Variants in RHBDF1 observed in about 807,000 individuals in gnomAD.
RHBDF1 encodes the protein inactive rhomboid protein 1.
In RHBDF1, 80 loss-of-function variants were observed where a neutral mutation model predicts 98.6. That is an observed-to-expected ratio of 0.81 (90% CI 0.68 to 0.98). The LOEUF is 0.98. RHBDF1 is among the 50% of genes least tolerant of loss of function. RHBDF1 has a pLI of 0.00. For synonymous variants in RHBDF1, 512 were observed against 486.8 expected, an observed-to-expected ratio of 1.05 and a Z score of -0.68; for missense variants, 1,116 against 1,198.3, an observed-to-expected ratio of 0.93 and a Z score of 1.01.
At chr16:75,826 G>A (rs1003761125), upstream of RHBDF1, among the ~76,000 whole-genome samples, 3 of 152,192 alleles carry the variant, frequency 2.0e-5, no homozygotes, top group African/African-American at 7.2e-5. Flanking sequence ...AAGCTGTGTA[G>A]AGGAGTCCAT....
At chr16:60,974 A>C in intron 11 of RHBDF1, 146 bp downstream of exon 11, 1 of 823,572 alleles carries the variant, frequency 1.2e-6, no homozygotes, top group East Asian at 2.8e-5. Context: ...GGGGATGAGG[A>C]GGAATGAATA....
At position 59,266 on chromosome 16, in the gene RHBDF1, G is replaced by A. The variant is rs750032851; in HGVS notation, c.1977C>T (p.Ser659=). 11 of 1,606,694 alleles carry A rather than the reference G, an allele frequency of 6.8e-6. No homozygotes were observed. Among genetic ancestry groups the A allele is most frequent in the African/African-American group, 4.0e-5 (3 of 74,822 alleles). ...VPDQFYRLWL[S]LFLHAGILHC... ...TCACTTGCCCGGCGTGCAGGAAGAG[G>A]GATAGCCACAGGCGGTAGAACTGGT... is the stretch of plus-strand genomic sequence containing the variant. The change falls in exon 16 of 18, where the codon TCC becomes TCT. Residue 659 remains serine (S), a synonymous_variant. Coordinates refer to ENST00000262316, the MANE Select transcript of RHBDF1 (RefSeq NM_022450.5).
chr16:61,467 G>A lies in RHBDF1; in HGVS notation c.1321-8C>T, dbSNP rs568942548. The A allele has an allele frequency of 3.7e-6, 6 of 1,612,492 alleles. No homozygotes were observed. The highest frequency in any genetic ancestry group is 2.2e-5 in the East Asian group (1 of 44,870). ...CCCGCGGTTCCGCAGCACCTGGGAG[G>A]TTGGGGAGCGGGATCAGACGGGCCC... On this transcript the variant is annotated splice_polypyrimidine_tract_variant and splice_region_variant and intron_variant, in intron 9 of 17. Transcript: ENST00000262316.
In RHBDF1 at chr16:61,681, GTA is replaced by G. The variant is rs1021524924; in HGVS notation, c.1222_1223del (p.Tyr408LeufsTer28). On this transcript the variant is annotated frameshift_variant, in exon 9 of 18. Coordinates refer to ENST00000262316, the MANE Select transcript of RHBDF1 (RefSeq NM_022450.5). LOFTEE classifies it high-confidence loss of function. ...DMDDHRPFFTYWLTFVHSLVT... is the reference protein window; with the variant it reads ...DMDDHRPFFTXWLTFVHSLVT... The stretch of plus-strand genomic sequence containing the variant: ...CGAGCGAGTGCACGAAGGTAAGCCA[GTA>G]GGTGAAGAAGGGCCTGCGGGGTGGA... 6.2e-7 allele frequency: 1 copy of G among 1,613,404 alleles called. No homozygotes were observed. The highest frequency in any genetic ancestry group is 8.5e-7 in the Non-Finnish European group (1 of 1,179,930).
intron 11 of RHBDF1, 172 bp from the exon 12 acceptor site, chr16:60,711 G>A (rs1423473309): frequency 3.4e-6 from 2 of 589,856 alleles, no homozygotes; most frequent in East Asian, 2.8e-5. Context: ...GGAGTTTGAC[G>A]GCATAATTCC....
upstream of RHBDF1, among the ~76,000 whole-genome samples, chr16:74,287 G>T (rs1340098961): frequency 6.6e-6 from 1 of 152,220 alleles, no homozygotes; most frequent in African/African-American, 2.4e-5. Flanking sequence ...GCCCAGACTA[G>T]GCTGGCAGGG....
chr16:60,806 A>G lies in RHBDF1; in HGVS notation c.1558-267T>C, dbSNP rs180812682. On this transcript the variant is annotated intron_variant, in intron 11 of 17. Coordinates refer to ENST00000262316, the MANE Select transcript of RHBDF1 (RefSeq NM_022450.5). ...CGGCACTTCCACATAAGATGATGTG[A>G]TGAAAGTTGGGATGAATTTTTTTAA... 1.6e-3 allele frequency: 933 copies of G among 565,498 alleles called. 6 individuals carry two copies. The highest frequency in any genetic ancestry group is 2.8e-3 in the Middle Eastern group (6 of 2,174). 35.0% of individuals were successfully genotyped at this position (565,498 alleles called of 1,614,324 possible). A position where few individuals can be genotyped will look rare whatever the true frequency, so the allele number is the denominator to read the frequency against.
chr16:59,517 G>A (rs376778199), intron 14 of RHBDF1, 23 bp from the exon 15 acceptor site: 354 of 1,606,784 alleles, frequency 2.2e-4, no homozygotes, highest in South Asian at 3.4e-4. Flanking sequence ...GCCAGGGTTC[G>A]GAGACTGCTG....
chr16:61,611 A>G lies in RHBDF1; in HGVS notation c.1294T>C (p.Phe432Leu), dbSNP rs754059197. Residue 432 changes from phenylalanine (F) to leucine (L), a missense_variant, in exon 9 of 18, where the codon TTC (phenylalanine) becomes CTC (leucine). By Grantham distance (22) the Phe-to-Leu change is conservative (BLOSUM62 0). Transcript: ENST00000262316. The part of the protein sequence containing the change: ...VCIYGIAPVG[F>L]SQHETVDSVL... Reference sequence around the variant, plus strand: ...GAGTCCACCGTCTCATGCTGCGAGAAGCCCACGGGCGCGATGCCATAGATG... The same window carrying G: ...GAGTCCACCGTCTCATGCTGCGAGAGGCCCACGGGCGCGATGCCATAGATG... 1.7e-5 allele frequency: 27 copies of G among 1,613,318 alleles called. No individual in the cohort carries two copies. The South Asian group carries it at 2.6e-4, about 16-fold the overall frequency.
chr16:63,759 C>T lies in RHBDF1; in HGVS notation c.290G>A (p.Ser97Asn), dbSNP rs1567116220. 1 of 1,613,988 alleles carries T rather than the reference C, an allele frequency of 6.2e-7. No individual in the cohort carries two copies. Among genetic ancestry groups the T allele is most frequent in the African/African-American group, 1.3e-5 (1 of 75,062 alleles). Residue 97 changes from serine (S) to asparagine (N), a missense_variant, in exon 4 of 18, where the codon AGC (serine) becomes AAC (asparagine). Ser to Asn is a conservative substitution (Grantham distance 46). Coordinates refer to ENST00000262316, the MANE Select transcript of RHBDF1 (RefSeq NM_022450.5). ...DWFGVSKDSD[S>N]TQKWQRKSIR... Reference sequence around the variant, plus strand: ...GCTCTTGCGCTGCCATTTCTGGGTGCTGTCACTGTCCTTGCTCACTCCAAA... The same window carrying T: ...GCTCTTGCGCTGCCATTTCTGGGTGTTGTCACTGTCCTTGCTCACTCCAAA...
At chr16:65,108 G>A (rs1396989254) in intron 1 of RHBDF1, 69 bp from the exon 2 acceptor site, 18 of 1,453,850 alleles carry the variant, frequency 1.2e-5, no homozygotes, top group South Asian at 7.4e-5. Flanking sequence ...ACCCAGACCC[G>A]GGAGGAGGGA....
chr16:58,257 C>T lies in RHBDF1; in HGVS notation c.*83G>A. The T allele has an allele frequency of 1.4e-6, 2 of 1,383,904 alleles. No individual in the cohort carries two copies. Among genetic ancestry groups the T allele is most frequent in the Non-Finnish European group, 2.0e-6 (2 of 1,011,584 alleles). The allele number at this position is 1,383,904 out of a possible 1,614,324, so 85.7% of individuals were successfully genotyped here. The stretch of plus-strand genomic sequence containing the variant: ...GCCAGTCCCCACATGGAGCAGGTGA[C>T]TCCTGTAAGCCTGTGAGGCTCAGGG... On this transcript the variant is annotated 3_prime_UTR_variant, in exon 18 of 18. Coordinates refer to ENST00000262316, the MANE Select transcript of RHBDF1 (RefSeq NM_022450.5).
Position 59,683 on chromosome 16 carries a change from G to A in RHBDF1, c.1817+49C>T, listed in dbSNP as rs757752613. On this transcript the variant is annotated intron_variant, in intron 14 of 17. Transcript: ENST00000262316. ...TTAGGGAGAAGGCACACCCTAGGGC[G>A]ATGCTCTGAGCCCAGAGACCAGCTG... 6.2e-5 allele frequency: 99 copies of A among 1,602,658 alleles called. 1 individual carries two copies. In the Admixed American group the frequency reaches 1.3e-3, roughly 21 times the overall value.
chr16:65,044 G>A lies in RHBDF1; in HGVS notation c.-24-5C>T, dbSNP rs373934218. ...TCCTGGCAGAGCAAGGCAGGCCTGC[G>A]GGGCATGGTGTGTTATTCAATAATG... is the stretch of plus-strand genomic sequence containing the variant. On this transcript the variant is annotated splice_polypyrimidine_tract_variant and splice_region_variant and intron_variant, in intron 1 of 17. Coordinates refer to ENST00000262316, the MANE Select transcript of RHBDF1 (RefSeq NM_022450.5). The A allele has an allele frequency of 1.9e-5, 28 of 1,496,452 alleles. No homozygotes were observed. Among genetic ancestry groups the A allele is most frequent in the Non-Finnish European group, 2.3e-5 (26 of 1,126,626 alleles). The allele number at this position is 1,496,452 out of a possible 1,614,324, so 92.7% of individuals were successfully genotyped here.
At chr16:69,224 G>A (rs759715266) in intron 1 of RHBDF1, among the ~76,000 whole-genome samples, 1 of 152,186 alleles carries the variant, frequency 6.6e-6, no homozygotes, top group African/African-American at 2.4e-5. Context: ...GGCATAGACA[G>A]TGGCCACAGC....
At position 72,595 on chromosome 16, in the gene RHBDF1, C is replaced by A. The variant is rs1173033540; in HGVS notation, c.-107G>T. 3 of 972,424 alleles carry A rather than the reference C, an allele frequency of 3.1e-6. No homozygotes were observed. Among genetic ancestry groups the A allele is most frequent in the African/African-American group, 3.6e-5 (2 of 56,252 alleles). 60.2% of individuals were successfully genotyped at this position (972,424 alleles called of 1,614,324 possible). ...CTGGCCGGGAGGGCCCGCGCCGAGT[C>A]CCCGCCCGCCCGCCGGTCCGGCCCG... On this transcript the variant is annotated 5_prime_UTR_variant, in exon 1 of 18. Transcript: ENST00000262316.
chr16:61,760 G>C (rs764246154), intron 8 of RHBDF1, 38 bp downstream of exon 8: 1 of 1,612,112 alleles, frequency 6.2e-7, no homozygotes, highest in Non-Finnish European at 8.5e-7. Flanking sequence ...TCCCCCGGGA[G>C]CCTCCATCCC....
chr16:75,150 C>T (rs1330680681), upstream of RHBDF1, among the ~76,000 whole-genome samples: 1 of 152,206 alleles, frequency 6.6e-6, no homozygotes, highest in East Asian at 1.9e-4. Flanking sequence ...CAGCTCCCGG[C>T]CCCTCTCTTC....
chr16:59,159 C>CA, intron 16 of RHBDF1, 32 bp from the exon 17 acceptor site: 1 of 1,606,174 alleles, frequency 6.2e-7, no homozygotes. Flanking sequence ...GGTCGGGAGA[C>CA]ATTCAGCAGG....
Sources: gnomAD v4.1 joint callset for allele counts (sites outside exome capture counted in the v4.1 genomes callset) on GRCh38, gnomAD v4.1.1 for gene constraint, MANE v1.5 for transcripts, NCBI Gene and HGNC (gene_info 2026-07-23, HGNC 2026-07-21) for gene names.